RANBP3: variants seen among roughly 807,000 people sequenced by gnomAD.
RANBP3 encodes RAN binding protein 3, also known as ran-binding protein 3.
RANBP3 carries 14 observed loss-of-function variants against 77.3 expected under a neutral mutation model. That is an observed-to-expected ratio of 0.18 (90% CI 0.12 to 0.28). RANBP3 has a LOEUF of 0.28. Among genes scored for constraint, RANBP3 ranks in the 10% least tolerant of loss-of-function variants. The pLI is 1.00. For synonymous variants in RANBP3, 315 were observed against 312.4 expected, an observed-to-expected ratio of 1.01 and a Z score of -0.09; for missense variants, 586 against 752.3, an observed-to-expected ratio of 0.78 and a Z score of 2.59.
chr19:5,918,467 T>C (rs1313839753), intron 15 of RANBP3, 29 bp downstream of exon 15: 1 of 1,337,232 alleles, frequency 7.5e-7, no homozygotes, highest in Non-Finnish European at 9.9e-7. Context: ...GGATGAGGGG[T>C]CCCAGATGCA....
chr19:5,933,187 C>G, intron 6 of RANBP3: 1 of 493,180 alleles, frequency 2.0e-6, no homozygotes, highest in Non-Finnish European at 3.6e-6. Flanking sequence ...AGCCTGCTCC[C>G]GTGCCACCAC....
chr19:5,960,315 A>G (rs1301928156), intron 1 of RANBP3, among the ~76,000 whole-genome samples: 1 of 152,152 alleles, frequency 6.6e-6, no homozygotes, highest in Non-Finnish European at 1.5e-5. Context: ...GGCCTGAGAG[A>G]GGCGCGGTCC....
rs114539329 is a variant in RANBP3, at chr19:5,926,171, C to T, written c.814-434G>A. Among the ~76,000 whole-genome samples the T allele has an allele frequency of 6.1e-3, 925 of 152,262 alleles. 11 individuals carry two copies. The highest frequency in any genetic ancestry group is 0.018 in the African/African-American group (757 of 41,542). On this transcript the variant is annotated intron_variant, in intron 9 of 16. Transcript: ENST00000340578. Reference sequence around the variant, plus strand: ...CTGAGTCTGTCAAATGCACGATCTGCTTTAATCCTCACGAGGCCTGGGAGG... The same window carrying T: ...CTGAGTCTGTCAAATGCACGATCTGTTTTAATCCTCACGAGGCCTGGGAGG...
At chr19:5,944,915 CT>C (rs2058184824) in intron 3 of RANBP3, among the ~76,000 whole-genome samples, 1 of 152,214 alleles carries the variant, frequency 6.6e-6, no homozygotes, top group South Asian at 2.1e-4. Flanking sequence ...CCTGGGGGAT[CT>C]GTCCCTTCCT....
rs2058378051 is a variant in RANBP3 at position 5,959,799 on chromosome 19, G to A, written c.23-1826C>T. ...GCCTGTACCCCACAAGCCCAGCCCT[G>A]ACCTCTGCATTTGCCTCCCTGCCAG... On this transcript the variant is annotated intron_variant, in intron 1 of 16. Transcript: ENST00000340578. The surrounding 1 kb of genome is among the most constrained non-coding windows in gnomAD (Gnocchi z 5.1). Among the ~76,000 whole-genome samples the A allele has an allele frequency of 6.6e-6, 1 of 152,124 alleles. No individual in the cohort carries two copies. The highest frequency in any genetic ancestry group is 1.5e-5 in the Non-Finnish European group (1 of 68,018).
chr19:5,922,812 C>T (rs1444850021), intron 13 of RANBP3, among the ~76,000 whole-genome samples: 1 of 152,150 alleles, frequency 6.6e-6, no homozygotes, highest in South Asian at 2.1e-4. Flanking sequence ...TGGTGGTGCA[C>T]ACCTGTAATC....
intron 1 of RANBP3, chr19:5,974,554 G>C (rs2058567051): frequency 6.6e-6 from 1 of 152,162 alleles, no homozygotes; most frequent in South Asian, 2.1e-4. Context: ...AAAGCACTCA[G>C]GTGGACTTTA....
At chr19:5,965,792 G>A (rs1327848210) in intron 1 of RANBP3, 1 of 151,396 alleles carries the variant, frequency 6.6e-6, no homozygotes, top group Non-Finnish European at 1.5e-5. Context: ...CACAAATGGG[G>A]TCTCCCAGAC....
chr19:5,946,489 G>A (rs955063117), intron 3 of RANBP3, among the ~76,000 whole-genome samples: 2 of 152,200 alleles, frequency 1.3e-5, no homozygotes, highest in Non-Finnish European at 2.9e-5. Flanking sequence ...GGAAAGGCTG[G>A]GAAGCCAAGG....
chr19:5,952,534 C>T lies in RANBP3; in HGVS notation c.79-938G>A, dbSNP rs1359150991. On this transcript the variant is annotated intron_variant, in intron 2 of 16. Coordinates refer to ENST00000340578, the MANE Select transcript of RANBP3 (RefSeq NM_007322.3). This position sits in a 1 kb window ranked among gnomAD's most constrained non-coding sequence, Gnocchi z 4.1. ...TGGTGTCCTAAAACAGACTCCAGTCCCCAAACCTCCCTCTTGGCATCGTCC... is the reference window on the plus strand; with the variant it reads ...TGGTGTCCTAAAACAGACTCCAGTCTCCAAACCTCCCTCTTGGCATCGTCC... 6.6e-6 allele frequency among the ~76,000 whole-genome samples: 1 copy of T among 152,128 alleles called. No homozygotes were observed. Among genetic ancestry groups the T allele is most frequent in the Non-Finnish European group, 1.5e-5 (1 of 68,022 alleles).
chr19:5,951,577 T>A lies in RANBP3; in HGVS notation c.98A>T (p.Asn33Ile). The change falls in exon 3 of 17, where the codon AAC (asparagine) becomes ATC (isoleucine). Residue 33 changes from asparagine (N) to isoleucine (I), a missense_variant. By Grantham distance (149) the Asn-to-Ile change is moderately radical. Around this residue, in one of 5 missense-constraint regions of RANBP3, gnomAD observed 172 missense variants for 183.4 expected, o/e 0.94. Coordinates refer to ENST00000340578, the MANE Select transcript of RANBP3 (RefSeq NM_007322.3). ...AGGCTCCTCTCCCGAATCCGACAAG[T>A]TTTTTTGCTCTGCAGGGGACTGGGA... is the stretch of plus-strand genomic sequence containing the variant. ...KGQKSPAEQK[N>I]LSDSGEEPRG... The A allele has an allele frequency of 6.2e-7, 1 of 1,612,984 alleles. No individual in the cohort carries two copies. The highest frequency in any genetic ancestry group is 1.1e-5 in the South Asian group (1 of 90,874).
intron 1 of RANBP3, among the ~76,000 whole-genome samples, chr19:5,961,703 A>G (rs548896938): frequency 5.1e-4 from 78 of 152,254 alleles, no homozygotes; most frequent in African/African-American, 1.6e-3. Context: ...ATTGCACTCC[A>G]GCCTGGGCAA....
In RANBP3 at chr19:5,952,909, G is replaced by T. The variant is rs1186370022; in HGVS notation, c.79-1313C>A. Among the ~76,000 whole-genome samples, 1 of 152,146 alleles carries T rather than the reference G, an allele frequency of 6.6e-6. No homozygotes were observed. The highest frequency in any genetic ancestry group is 1.5e-5 in the Non-Finnish European group (1 of 68,034). ...CACCGTGGTTCGTCCAGCCACCCAT[G>T]TCTGTTGCTACTTGATGGTGAGAGA... On this transcript the variant is annotated intron_variant, in intron 2 of 16. Coordinates refer to ENST00000340578, the MANE Select transcript of RANBP3 (RefSeq NM_007322.3). This position sits in a 1 kb window ranked among gnomAD's most constrained non-coding sequence, Gnocchi z 4.1.
At chr19:5,940,319 G>A (rs1330191277) in intron 5 of RANBP3, among the ~76,000 whole-genome samples, 2 of 152,180 alleles carry the variant, frequency 1.3e-5, no homozygotes, top group African/African-American at 4.8e-5. Flanking sequence ...GAGGGGGAAG[G>A]AATAAAATCA....
chr19:5,969,077 A>T (rs2058501059), intron 1 of RANBP3, among the ~76,000 whole-genome samples: 1 of 152,156 alleles, frequency 6.6e-6, no homozygotes, highest in Non-Finnish European at 1.5e-5. Flanking sequence ...AAAGGTTCTA[A>T]GGAAAGGAAG....
At chr19:5,953,985 G>A (rs936363680) in intron 2 of RANBP3, among the ~76,000 whole-genome samples, 7 of 152,222 alleles carry the variant, frequency 4.6e-5, no homozygotes, top group East Asian at 1.9e-4. Context: ...GTCCCAATCC[G>A]TAGTGTGCTG....
chr19:5,931,427 C>T lies in RANBP3; in HGVS notation c.670G>A (p.Ala224Thr). The change falls in exon 8 of 17, where the codon GCC becomes ACC. Residue 224 changes from alanine to threonine, a missense_variant. This residue lies in a region of RANBP3 where 232 missense variants were observed against 271.7 expected (regional missense o/e 0.85). Transcript: ENST00000340578. ...ACCTCAAGTGCACACACCTCATCGGCAGCTTCGGAAGGACTTCTCCATGCA... is the reference window on the plus strand; with the variant it reads ...ACCTCAAGTGCACACACCTCATCGGTAGCTTCGGAAGGACTTCTCCATGCA... Reference protein sequence around the residue: ...TAAWRSPSEAADEVCALEEKE... With the variant: ...TAAWRSPSEATDEVCALEEKE... 1.9e-6 allele frequency: 3 copies of T among 1,612,500 alleles called. No homozygotes were observed. The highest frequency in any genetic ancestry group is 2.5e-6 in the Non-Finnish European group (3 of 1,179,236).
intron 5 of RANBP3, among the ~76,000 whole-genome samples, chr19:5,937,049 C>CTT (rs1254565645): frequency 4.7e-5 from 2 of 42,488 alleles, no homozygotes; most frequent in Admixed American, 8.1e-4. Flanking sequence ...GAGCAAGACT[C>CTT]TGTCTCCAAA....
chr19:5,960,671 A>G, intron 1 of RANBP3, among the ~76,000 whole-genome samples: 1 of 152,210 alleles, frequency 6.6e-6, no homozygotes, highest in Non-Finnish European at 1.5e-5. Context: ...GGGCTAGAAG[A>G]GAGAGAACCA....
Sources: gnomAD v4.1 joint callset for allele counts (sites outside exome capture counted in the v4.1 genomes callset) on GRCh38, gnomAD v4.1.1 for gene constraint, gnomAD v4.1.1 regional missense constraint, Gnocchi (gnomAD v3.1) non-coding constraint, MANE v1.5 for transcripts, NCBI Gene and HGNC (gene_info 2026-07-23, HGNC 2026-07-21) for gene names.